Variants in FHIP1A observed in about 807,000 individuals in gnomAD.
The protein encoded by FHIP1A is FHF complex subunit HOOK interacting protein 1A, also known as FHF complex subunit HOOK-interacting protein 1A.
Under a neutral mutation model 88.6 loss-of-function variants are expected in FHIP1A, and 61 were observed. That is an observed-to-expected ratio of 0.69 (90% CI 0.56 to 0.85). FHIP1A has a LOEUF of 0.85. Among genes scored for constraint, FHIP1A ranks in the 40% least tolerant of loss-of-function variants. The probability of loss-of-function intolerance (pLI) is 0.00; values close to 1 mark genes in which losing one functional copy is unlikely to be tolerated. For synonymous variants in FHIP1A, 478 were observed against 496.0 expected (o/e 0.96, Z 0.48); for missense variants, 1,154 against 1,273.5 (o/e 0.91, Z 1.43).
chr4:151,446,218 G>A (rs960501236), intron 1 of FHIP1A, among the ~76,000 whole-genome samples: 5 of 151,978 alleles, frequency 3.3e-5, no homozygotes, highest in African/African-American at 4.8e-5. Flanking sequence ...TTCTTACTGC[G>A]TGTTTTTAAA....
intron 3 of FHIP1A, among the ~76,000 whole-genome samples, chr4:151,517,446 T>TATA (rs1300034911): frequency 6.6e-6 from 1 of 152,046 alleles, no homozygotes; most frequent in African/African-American, 2.4e-5. Flanking sequence ...AAACTTAAAG[T>TATA]ATAATAATAA....
At chr4:151,607,858 A>G (rs751927311) in intron 7 of FHIP1A, among the ~76,000 whole-genome samples, 1 of 152,166 alleles carries the variant, frequency 6.6e-6, no homozygotes, top group Non-Finnish European at 1.5e-5. Flanking sequence ...CTAAAGTGAG[A>G]CATCCTTCAC....
At chr4:151,443,516 A>C (rs928722983) in intron 1 of FHIP1A, among the ~76,000 whole-genome samples, 1 of 151,886 alleles carries the variant, frequency 6.6e-6, no homozygotes, top group Admixed American at 6.6e-5. Flanking sequence ...TTTTCCCCTC[A>C]TGTTACTGGT....
chr4:151,633,081 G>A (rs1296588549), intron 8 of FHIP1A, among the ~76,000 whole-genome samples: 1 of 151,596 alleles, frequency 6.6e-6, no homozygotes, highest in Non-Finnish European at 1.5e-5. Flanking sequence ...GATTAACTAA[G>A]AAAAAAGAGA....
At chr4:151,440,888 TGC>T (rs1728384548) in intron 1 of FHIP1A, among the ~76,000 whole-genome samples, 2 of 152,306 alleles carry the variant, frequency 1.3e-5, no homozygotes, top group East Asian at 3.9e-4. Flanking sequence ...CTCACACTAG[TGC>T]CCCTTGTCAG....
intron 1 of FHIP1A, among the ~76,000 whole-genome samples, chr4:151,451,594 A>G (rs1728790578): frequency 6.6e-6 from 1 of 152,164 alleles, no homozygotes; most frequent in South Asian, 2.1e-4. Context: ...AAAGCACACC[A>G]AGAACTACAG....
chr4:151,623,753 A>G (rs769193158), intron 7 of FHIP1A, among the ~76,000 whole-genome samples: 6 of 152,136 alleles, frequency 3.9e-5, no homozygotes, highest in Non-Finnish European at 7.4e-5. Flanking sequence ...AAATGTTAGG[A>G]TTTGAACTCT....
At position 151,482,015 on chromosome 4, in the gene FHIP1A, T is replaced by G. The variant is rs1371973879; in HGVS notation, c.-247-509T>G. ...AGGAGATGTGTGTCTAAGACCAAAG[T>G]AGACTTTGCCCGTTGGATGGCGAAA... On this transcript the variant is annotated intron_variant, in intron 2 of 13. Coordinates refer to ENST00000435205, the MANE Select transcript of FHIP1A (RefSeq NM_001109977.3). Among the ~76,000 whole-genome samples, 3 of 152,138 alleles carry G rather than the reference T, an allele frequency of 2.0e-5. No homozygotes were observed. In the East Asian group the frequency reaches 5.8e-4, roughly 29 times the overall value.
chr4:151,484,612 T>C (rs1160566224), intron 3 of FHIP1A, among the ~76,000 whole-genome samples: 1 of 151,922 alleles, frequency 6.6e-6, no homozygotes, highest in Non-Finnish European at 1.5e-5. Flanking sequence ...AAGTGGAAAA[T>C]GGGTTTGAAG....
intron 3 of FHIP1A, among the ~76,000 whole-genome samples, chr4:151,527,173 T>G (rs1356835113): frequency 2.6e-5 from 4 of 151,488 alleles, no homozygotes; most frequent in Non-Finnish European, 3.0e-5. Flanking sequence ...CAAGGCAGGC[T>G]GCTGGGAGGT....
chr4:151,463,183 G>A (rs1220323509), intron 2 of FHIP1A, among the ~76,000 whole-genome samples: 1 of 152,194 alleles, frequency 6.6e-6, no homozygotes, highest in Non-Finnish European at 1.5e-5. Context: ...CATTCTGGCT[G>A]TTTTGGTTTA....
chr4:151,538,765 G>A (rs1732162598), intron 3 of FHIP1A, among the ~76,000 whole-genome samples: 6 of 152,170 alleles, frequency 3.9e-5, no homozygotes, highest in African/African-American at 2.4e-5. Context: ...GGGGTCAGGC[G>A]GATGTGAGAC....
At chr4:151,655,170 G>C (rs1416593234) in intron 11 of FHIP1A, among the ~76,000 whole-genome samples, 1 of 152,208 alleles carries the variant, frequency 6.6e-6, no homozygotes, top group East Asian at 1.9e-4. Context: ...TATATATCAA[G>C]GGATGTGTGC....
intron 3 of FHIP1A, among the ~76,000 whole-genome samples, chr4:151,494,003 G>T (rs778474354): frequency 2.6e-5 from 4 of 152,132 alleles, no homozygotes; most frequent in Non-Finnish European, 4.4e-5. Context: ...GAAATAAAGG[G>T]CATCCAAATT....
At chr4:151,591,547 G>GC (rs1734428613) in intron 7 of FHIP1A, among the ~76,000 whole-genome samples, 1 of 152,092 alleles carries the variant, frequency 6.6e-6, no homozygotes, top group African/African-American at 2.4e-5. Context: ...GTGGTTTGCT[G>GC]CACCCATCAA....
intron 2 of FHIP1A, among the ~76,000 whole-genome samples, chr4:151,460,432 T>TACC (rs138021090): frequency 0.028 from 4,292 of 152,270 alleles, 200 homozygotes; most frequent in African/African-American, 0.098. Context: ...CTGTTGTACC[T>TACC]ACCACCACCA....
chr4:151,600,468 G>A (rs545959948), intron 7 of FHIP1A, among the ~76,000 whole-genome samples: 1 of 152,316 alleles, frequency 6.6e-6, no homozygotes, highest in East Asian at 1.9e-4. Context: ...CATTCAGACT[G>A]GGTAGTGAGG....
chr4:151,609,104 TA>T (rs1735194640), intron 7 of FHIP1A, among the ~76,000 whole-genome samples: 1 of 152,146 alleles, frequency 6.6e-6, no homozygotes, highest in Non-Finnish European at 1.5e-5. Flanking sequence ...TTCGATACCA[TA>T]AAACTTTTTT....
chr4:151,575,200 C>T (rs1046108715), intron 4 of FHIP1A, among the ~76,000 whole-genome samples: 1 of 152,114 alleles, frequency 6.6e-6, no homozygotes, highest in Non-Finnish European at 1.5e-5. Context: ...GATAGCTCTC[C>T]TAAGTAAACT....
Sources: gnomAD v4.1 joint callset for allele counts (sites outside exome capture counted in the v4.1 genomes callset) on GRCh38, gnomAD v4.1.1 for gene constraint, MANE v1.5 for transcripts, NCBI Gene and HGNC (gene_info 2026-07-23, HGNC 2026-07-21) for gene names.